Variants in NUAK2 observed in about 807,000 individuals in gnomAD.
The protein encoded by NUAK2 is NUAK family SNF1-like kinase 2.
NUAK2 carries 20 observed loss-of-function variants against 29.8 expected under a neutral mutation model. The observed-to-expected ratio is 0.67, with a 90% CI of 0.47 to 0.98. The LOEUF is 0.98. Among genes scored for constraint, NUAK2 ranks in the 50% least tolerant of loss-of-function variants. NUAK2 has a pLI of 0.00. For synonymous variants in NUAK2, 331 were observed against 342.6 expected (o/e 0.97, Z 0.37); for missense variants, 719 against 834.5 (o/e 0.86, Z 1.71).
chr1:205,317,465 G>A (rs998914274), intron 1 of NUAK2, among the ~76,000 whole-genome samples: 3 of 152,180 alleles, frequency 2.0e-5, no homozygotes, highest in Non-Finnish European at 4.4e-5. Flanking sequence ...TGGGCAGAGT[G>A]GGGGTGGGCC....
In NUAK2 at chr1:205,305,307, G is replaced by A. The variant is rs1261973927; in HGVS notation, c.715C>T (p.Leu239Phe). 6.2e-7 allele frequency: 1 copy of A among 1,614,030 alleles called. No homozygotes were observed. The highest frequency in any genetic ancestry group is 2.2e-5 in the East Asian group (1 of 44,880). ...GTGCCATGCACCAGGATGTAGAGGA[G>A]AACACCCAGGGACCAGCTGTCCACC... is the stretch of plus-strand genomic sequence containing the variant. ...PEVDSWSLGV[L>F]LYILVHGTMP... The change falls in exon 6 of 7, where the codon CTC (leucine) becomes TTC (phenylalanine). Residue 239 changes from leucine to phenylalanine, a missense_variant. This residue lies in a region of NUAK2 where 283 missense variants were observed against 345.6 expected (regional missense o/e 0.82). Coordinates refer to ENST00000367157, the MANE Select transcript of NUAK2 (RefSeq NM_030952.3).
At position 205,306,307 on chromosome 1, in the gene NUAK2, T is replaced by A; in HGVS notation, c.571A>T (p.Ile191Phe). The A allele has an allele frequency of 6.2e-7, 1 of 1,610,378 alleles. No individual in the cohort carries two copies. Among genetic ancestry groups the A allele is most frequent in the Non-Finnish European group, 8.5e-7 (1 of 1,178,500 alleles). Residue 191 changes from isoleucine (I) to phenylalanine (F), a missense_variant and splice_region_variant, in exon 5 of 7, where the codon ATT (isoleucine) becomes TTT (phenylalanine). Transcript: ENST00000367157. ...AGGTTGGAGAGACCGAAGTCAGCAA[T>A]CTGCAGGATTGAGTCAAACACGGGC... Reference protein sequence around the residue: ...ILLDANGNIKIADFGLSNLYH... With the variant: ...ILLDANGNIKFADFGLSNLYH...
intron 1 of NUAK2, among the ~76,000 whole-genome samples, chr1:205,320,637 TTG>T (rs1038785811): frequency 4.5e-4 from 68 of 152,252 alleles, no homozygotes; most frequent in African/African-American, 1.6e-3. Flanking sequence ...TCACAGCAGC[TTG>T]TGAGGCAGGC....
chr1:205,305,045 C>T (rs912185181), intron 6 of NUAK2, among the ~76,000 whole-genome samples, 154 bp downstream of exon 6: 10 of 152,188 alleles, frequency 6.6e-5, no homozygotes, highest in African/African-American at 2.4e-4. Flanking sequence ...CCAGAGGTCT[C>T]AACATTGGAC....
chr1:205,321,301 C>A, intron 1 of NUAK2, 97 bp downstream of exon 1: 2 of 1,121,808 alleles, frequency 1.8e-6, no homozygotes, highest in South Asian at 3.3e-5. Context: ...CTGGCCTCTC[C>A]GCCGAGCAAC....
In NUAK2 at chr1:205,304,549, C is replaced by G. The variant is rs1175531429; in HGVS notation, c.824-36G>C. On this transcript the variant is annotated intron_variant, in intron 6 of 6. Transcript: ENST00000367157. The surrounding 1 kb of genome is among the most constrained non-coding windows in gnomAD (Gnocchi z 6.5). ...AAAGGCAGGTGCTTCAGTTTGGCAG[C>G]TCCCAGAATAGGCACTCCCTGTCCC... The G allele has an allele frequency of 1.4e-6, 2 of 1,461,528 alleles. No individual in the cohort carries two copies. The highest frequency in any genetic ancestry group is 5.2e-5 in the Admixed American group (2 of 38,630). 90.5% of individuals were successfully genotyped at this position (1,461,528 alleles called of 1,614,324 possible). A position where few individuals can be genotyped will look rare whatever the true frequency, so the allele number is the denominator to read the frequency against.
chr1:205,317,514 C>T (rs930644170), intron 1 of NUAK2, among the ~76,000 whole-genome samples: 3 of 152,188 alleles, frequency 2.0e-5, no homozygotes, highest in Non-Finnish European at 2.9e-5. Flanking sequence ...AGCCAGAGAG[C>T]TAGGCAGGGA....
chr1:205,310,394 G>A (rs1014590761), intron 2 of NUAK2, among the ~76,000 whole-genome samples: 5 of 152,138 alleles, frequency 3.3e-5, no homozygotes, highest in African/African-American at 9.7e-5. Flanking sequence ...AGGCACACCC[G>A]CTACCTCACA....
chr1:205,304,405 A>G lies in NUAK2; in HGVS notation c.932T>C (p.Val311Ala), dbSNP rs1662148595. ...WWVNWGYATR[V>A]GEQEAPHEGG... ...CTCATGCGGAGCCTCCTGCTCTCCC[A>G]CTCGGGTGGCGTAGCCCCAGTTGAC... is the stretch of plus-strand genomic sequence containing the variant. Residue 311 changes from valine (V) to alanine (A), a missense_variant, in exon 7 of 7, where the codon GTG (valine) becomes GCG (alanine). By Grantham distance (64) the Val-to-Ala change is moderately conservative (BLOSUM62 0). Coordinates refer to ENST00000367157, the MANE Select transcript of NUAK2 (RefSeq NM_030952.3). This position sits in a 1 kb window ranked among gnomAD's most constrained non-coding sequence, Gnocchi z 6.5. 2 of 1,601,640 alleles carry G rather than the reference A, an allele frequency of 1.2e-6. No homozygotes were observed. Among genetic ancestry groups the G allele is most frequent in the Admixed American group, 1.7e-5 (1 of 59,280 alleles).
chr1:205,313,736 T>C (rs535968256), intron 1 of NUAK2, among the ~76,000 whole-genome samples: 2 of 150,696 alleles, frequency 1.3e-5, no homozygotes, highest in African/African-American at 4.9e-5. Flanking sequence ...TCTGAGTCTA[T>C]GAAATTAGCC....
intron 1 of NUAK2, among the ~76,000 whole-genome samples, chr1:205,320,115 C>T (rs148351797): frequency 1.2e-4 from 18 of 152,336 alleles, no homozygotes; most frequent in Non-Finnish European, 2.2e-4. Flanking sequence ...TTTAAACAAA[C>T]ATCCCAGGTG....
chr1:205,310,511 C>A lies in NUAK2; in HGVS notation c.352+1194G>T, dbSNP rs1308535133. On this transcript the variant is annotated intron_variant, in intron 2 of 6. Transcript: ENST00000367157. ...GTTGAATCTGAAGGTGCCAGAGAAGCCATACCCTGAGCTGCAGTGCTCAGT... is the reference window on the plus strand; with the variant it reads ...GTTGAATCTGAAGGTGCCAGAGAAGACATACCCTGAGCTGCAGTGCTCAGT... Among the ~76,000 whole-genome samples the A allele has an allele frequency of 2.6e-5, 4 of 152,174 alleles. No individual in the cohort carries two copies. The East Asian group carries it at 7.7e-4, about 29-fold the overall frequency.
intron 1 of NUAK2, among the ~76,000 whole-genome samples, chr1:205,314,663 T>A (rs1662301994): frequency 6.6e-6 from 1 of 152,168 alleles, no homozygotes; most frequent in Admixed American, 6.5e-5. Context: ...AATAAAACAA[T>A]GGATAAAGTT....
At chr1:205,305,063 G>A (rs1420044757) in intron 6 of NUAK2, 136 bp downstream of exon 6, 3 of 1,084,654 alleles carry the variant, frequency 2.8e-6, no homozygotes, top group African/African-American at 1.6e-5. Flanking sequence ...GACATACGGT[G>A]GAGGGTACCC....
rs945558865 is a variant in NUAK2 at position 205,308,343 on chromosome 1, G to A, written c.505-113C>T. On this transcript the variant is annotated intron_variant, in intron 3 of 6. Coordinates refer to ENST00000367157, the MANE Select transcript of NUAK2 (RefSeq NM_030952.3). The surrounding 1 kb of genome is among the most constrained non-coding windows in gnomAD (Gnocchi z 4.1). ...AGGGAGCCAAGTGGGCTTGAGCACA[G>A]GTAGGCTGGGAATGCCTATCTTTAT... 1 of 861,186 alleles carries A rather than the reference G, an allele frequency of 1.2e-6. No homozygotes were observed. The highest frequency in any genetic ancestry group is 1.8e-6 in the Non-Finnish European group (1 of 545,462). 53.3% of individuals were successfully genotyped at this position (861,186 alleles called of 1,614,324 possible). A position where few individuals can be genotyped will look rare whatever the true frequency, so the allele number is the denominator to read the frequency against.
In NUAK2 at chr1:205,320,530, C is replaced by T. The variant is rs187443014; in HGVS notation, c.231+868G>A. On this transcript the variant is annotated intron_variant, in intron 1 of 6. Transcript: ENST00000367157. ...CCGCCCGCCTCGGCCTCCCACAGTG[C>T]TGGGATTACAGGCGTGAGCCACCGC... Among the ~76,000 whole-genome samples the T allele has an allele frequency of 2.1e-3, 316 of 152,340 alleles. 1 individual carries two copies. Among genetic ancestry groups the T allele is most frequent in the African/African-American group, 7.4e-3 (307 of 41,572 alleles).
chr1:205,319,021 C>G (rs181508672), intron 1 of NUAK2, among the ~76,000 whole-genome samples: 212 of 149,580 alleles, frequency 1.4e-3, no homozygotes, highest in African/African-American at 4.9e-3. Flanking sequence ...AGGTCTTGGG[C>G]AAGCTCCCAC....
intron 1 of NUAK2, among the ~76,000 whole-genome samples, chr1:205,312,973 A>G (rs553109917): frequency 3.0e-4 from 45 of 152,240 alleles, no homozygotes; most frequent in Non-Finnish European, 6.0e-4. Flanking sequence ...GCAAGGATCA[A>G]TATTGTATGA....
chr1:205,304,588 A>C lies in NUAK2; in HGVS notation c.824-75T>G. Reference sequence around the variant, plus strand: ...ACTCCCTGTCCCCTGTCCCCAGCTCATCCCCTTTTGAGCTATGACACTGCA... The same window carrying C: ...ACTCCCTGTCCCCTGTCCCCAGCTCCTCCCCTTTTGAGCTATGACACTGCA... On this transcript the variant is annotated intron_variant, in intron 6 of 6. Coordinates refer to ENST00000367157, the MANE Select transcript of NUAK2 (RefSeq NM_030952.3). This position sits in a 1 kb window ranked among gnomAD's most constrained non-coding sequence, Gnocchi z 6.5. The C allele has an allele frequency of 2.4e-3, 3,011 of 1,237,014 alleles. No homozygotes were observed. Among genetic ancestry groups the C allele is most frequent in the Non-Finnish European group, 3.0e-3 (2,739 of 905,806 alleles). 76.6% of individuals were successfully genotyped at this position (1,237,014 alleles called of 1,614,324 possible). A position where few individuals can be genotyped will look rare whatever the true frequency, so the allele number is the denominator to read the frequency against.
Sources: allele counts gnomAD v4.1 joint callset (sites outside exome capture counted in the v4.1 genomes callset), GRCh38; gene constraint gnomAD v4.1.1; regional missense constraint gnomAD v4.1.1; non-coding constraint Gnocchi (gnomAD v3.1); transcripts MANE v1.5; gene names NCBI Gene and HGNC (gene_info 2026-07-23, HGNC 2026-07-21).